The following SH2D3C variants were observed in gnomAD, a reference collection of about 807,000 sequenced individuals.
SH2D3C encodes the protein SH2 domain-containing protein 3C.
Under a neutral mutation model 75.2 loss-of-function variants are expected in SH2D3C, and 25 were observed. That is an observed-to-expected ratio of 0.33 (90% CI 0.24 to 0.46). SH2D3C has a LOEUF of 0.46. Among genes scored for constraint, SH2D3C ranks in the 20% least tolerant of loss-of-function variants. The probability of loss-of-function intolerance (pLI) is 1.00; values close to 1 mark genes in which losing one functional copy is unlikely to be tolerated. For missense variants in SH2D3C, 933 were observed against 1,165.3 expected, an observed-to-expected ratio of 0.80 and a Z score of 2.90; for synonymous variants, 450 against 473.7, an observed-to-expected ratio of 0.95 and a Z score of 0.65.
intron 2 of SH2D3C, chr9:127,771,444 C>T: frequency 8.5e-7 from 1 of 1,183,216 alleles, no homozygotes; most frequent in Non-Finnish European, 1.1e-6. Context: ...GCCTCGAACA[C>T]GGCCCTCCGC....
chr9:127,761,551 A>G, intron 3 of SH2D3C, 60 bp downstream of exon 3: 1 of 1,257,418 alleles, frequency 8.0e-7, no homozygotes, highest in Non-Finnish European at 1.2e-6. Flanking sequence ...CCCACCCGTA[A>G]TGGAGCAGGC....
chr9:127,755,841 T>C (rs1343623087), intron 3 of SH2D3C, among the ~76,000 whole-genome samples: 2 of 152,188 alleles, frequency 1.3e-5, no homozygotes, highest in South Asian at 4.1e-4. Flanking sequence ...TTCCCTGGGA[T>C]CTACGACTCA....
Position 127,738,736 on chromosome 9 carries a change from G to A in SH2D3C, c.*10C>T. 1 of 1,584,368 alleles carries A rather than the reference G, an allele frequency of 6.3e-7. No homozygotes were observed. Among genetic ancestry groups the A allele is most frequent in the South Asian group, 1.2e-5 (1 of 86,938 alleles). On this transcript the variant is annotated 3_prime_UTR_variant, in exon 12 of 12. Coordinates refer to ENST00000314830, the MANE Select transcript of SH2D3C (RefSeq NM_170600.3). The surrounding 1 kb of genome is among the most constrained non-coding windows in gnomAD (Gnocchi z 5.0). ...CTGTCCGCAGCTGCAGAGGGGAAAT[G>A]TCCCTGGGGTCACAGCTCGCTGGAG...
Position 127,761,608 on chromosome 9 carries a change from T to C in SH2D3C, c.555+3A>G. The C allele has an allele frequency of 6.2e-7, 1 of 1,610,120 alleles. No homozygotes were observed. Among genetic ancestry groups the C allele is most frequent in the Non-Finnish European group, 8.5e-7 (1 of 1,177,386 alleles). Reference sequence around the variant, plus strand: ...TGACCAACCCCTGGCCAGCCCCTCCTACCTTCACATAGTCGCTGCCAGCCT... The same window carrying C: ...TGACCAACCCCTGGCCAGCCCCTCCCACCTTCACATAGTCGCTGCCAGCCT... On this transcript the variant is annotated splice_donor_region_variant and intron_variant, in intron 3 of 11. Transcript: ENST00000314830.
chr9:127,778,027 G>A lies in SH2D3C; in HGVS notation c.37+564C>T, dbSNP rs548805399. 6.8e-4 allele frequency among the ~76,000 whole-genome samples: 103 copies of A among 151,790 alleles called. 1 individual carries two copies. In the East Asian group the frequency reaches 0.017, roughly 25 times the overall value. On this transcript the variant is annotated intron_variant, in intron 1 of 11. Transcript: ENST00000314830. ...TTTTGAGATGCAGTCTCGCTGTGTC[G>A]CCCAGACTGGAGTGCAGTGGTGCAA... is the stretch of plus-strand genomic sequence containing the variant.
At chr9:127,748,241 A>G (rs1845091698) in intron 5 of SH2D3C, among the ~76,000 whole-genome samples, 1 of 152,108 alleles carries the variant, frequency 6.6e-6, no homozygotes, top group African/African-American at 2.4e-5. Flanking sequence ...ACTGCTCCCA[A>G]CTATGCTCAG....
At chr9:127,771,077 G>T in intron 2 of SH2D3C, 1 of 838,100 alleles carries the variant, frequency 1.2e-6, no homozygotes, top group Non-Finnish European at 1.8e-6. Context: ...AAAAGTCCCT[G>T]ATGCTAACCC....
At chr9:127,755,139 C>A in intron 3 of SH2D3C, 1 of 1,219,730 alleles carries the variant, frequency 8.2e-7, no homozygotes. Context: ...GGGCACTCCA[C>A]AGGCTGCACC....
chr9:127,771,518 C>A (rs1845739467), intron 2 of SH2D3C: 2 of 500,802 alleles, frequency 4.0e-6, no homozygotes, highest in Non-Finnish European at 6.3e-6. Context: ...CCCTAGCACA[C>A]CCCTCCGCCT....
chr9:127,756,713 C>T (rs536027229), intron 3 of SH2D3C, among the ~76,000 whole-genome samples: 12 of 140,808 alleles, frequency 8.5e-5, no homozygotes, highest in Admixed American at 1.5e-4. Context: ...GGCAATATCT[C>T]GGCTCAATGT....
In SH2D3C at chr9:127,774,007, C is replaced by T. The variant is rs781220729; in HGVS notation, c.498G>A (p.Arg166=). 5 of 1,612,198 alleles carry T rather than the reference C, an allele frequency of 3.1e-6. No homozygotes were observed. The Admixed American group carries it at 8.3e-5, about 27-fold the overall frequency. ...GCACCTACCTTTCTGAGTGCACGTC[C>T]CTGGGAGGTCTCTCCTCTTCTACGT... ...TGDVEEERPP[R]DVHSERAAGE... Residue 166 remains arginine (R), a synonymous_variant, in exon 2 of 12, where the codon AGG becomes AGA. Coordinates refer to ENST00000314830, the MANE Select transcript of SH2D3C (RefSeq NM_170600.3). The surrounding 1 kb of genome is among the most constrained non-coding windows in gnomAD (Gnocchi z 4.3).
Position 127,744,894 on chromosome 9 carries a change from C to T in SH2D3C, c.1470G>A (p.Pro490=), listed in dbSNP as rs374666905. ...GGAGCTGGCAGTAGTGGCCAGAGTCCGGGTCACTGTAGCTGCTGAGTGATG... is the reference window on the plus strand; with the variant it reads ...GGAGCTGGCAGTAGTGGCCAGAGTCTGGGTCACTGTAGCTGCTGAGTGATG... ...PSPSLSSYSD[P]DSGHYCQLQP... Residue 490 remains proline, a synonymous_variant, in exon 7 of 12, where the codon CCG becomes CCA. Coordinates refer to ENST00000314830, the MANE Select transcript of SH2D3C (RefSeq NM_170600.3). The T allele has an allele frequency of 4.3e-6, 7 of 1,612,426 alleles. No individual in the cohort carries two copies. The highest frequency in any genetic ancestry group is 2.2e-5 in the East Asian group (1 of 44,854).
chr9:127,738,622 T>TG lies in SH2D3C; in HGVS notation c.*123dup. The TG allele has an allele frequency of 7.6e-6, 8 of 1,052,676 alleles. No individual in the cohort carries two copies. The highest frequency in any genetic ancestry group is 9.2e-6 in the Non-Finnish European group (7 of 757,330). The allele number at this position is 1,052,676 out of a possible 1,614,324, so 65.2% of individuals were successfully genotyped here. A position where few individuals can be genotyped will look rare whatever the true frequency, so the allele number is the denominator to read the frequency against. Reference sequence around the variant, plus strand: ...CAGGACCCTGGAGGTGCAAGGGAGATGCTTGAGTTGAACCCAGAACATTCT... The same window carrying TG: ...CAGGACCCTGGAGGTGCAAGGGAGATGGCTTGAGTTGAACCCAGAACATTCT... On this transcript the variant is annotated 3_prime_UTR_variant, in exon 12 of 12. Transcript: ENST00000314830. This position sits in a 1 kb window ranked among gnomAD's most constrained non-coding sequence, Gnocchi z 5.0.
At chr9:127,771,456 T>G in intron 2 of SH2D3C, 1 of 1,119,000 alleles carries the variant, frequency 8.9e-7, no homozygotes, top group Non-Finnish European at 1.2e-6. Flanking sequence ...GCCCTCCGCC[T>G]GCGGTCTCGC....
chr9:127,772,195 A>C (rs2131809543), intron 2 of SH2D3C, among the ~76,000 whole-genome samples: 1 of 151,520 alleles, frequency 6.6e-6, no homozygotes, highest in South Asian at 2.1e-4. Context: ...AAAAGAAAGA[A>C]AGGTCCCAGA....
chr9:127,744,325 C>T (rs917606173), intron 7 of SH2D3C, among the ~76,000 whole-genome samples: 3 of 152,106 alleles, frequency 2.0e-5, no homozygotes, highest in Non-Finnish European at 4.4e-5. Context: ...CCCGCCTCGG[C>T]CTCCCAAAGT....
Position 127,741,876 on chromosome 9 carries a change from T to C in SH2D3C, c.2000A>G (p.Lys667Arg), listed in dbSNP as rs140177554. Reference protein sequence around the residue: ...SAEERAALLHKTIQLAAELRG... With the variant: ...SAEERAALLHRTIQLAAELRG... ...CAGCTCGGCCGCCAGCTGAATGGTCTTGTGCAGCAGCGCTGCCCGCTCCTC... is the reference window on the plus strand; with the variant it reads ...CAGCTCGGCCGCCAGCTGAATGGTCCTGTGCAGCAGCGCTGCCCGCTCCTC... Residue 667 changes from lysine to arginine, a missense_variant, in exon 9 of 12, where the codon AAG (lysine) becomes AGG (arginine). Physicochemically the swap from Lys to Arg is conservative, Grantham distance 26 (BLOSUM62 2). Coordinates refer to ENST00000314830, the MANE Select transcript of SH2D3C (RefSeq NM_170600.3). 1.0e-4 allele frequency: 163 copies of C among 1,613,268 alleles called. No homozygotes were observed. In the African/African-American group the frequency reaches 1.7e-3, roughly 17 times the overall value.
chr9:127,739,958 C>A lies in SH2D3C; in HGVS notation c.2201-70G>T. ...CCACCATCCACTGCAGTCCTGGAAG[C>A]TGAGGTGCAGGAGGGAACGGGCCTG... is the stretch of plus-strand genomic sequence containing the variant. On this transcript the variant is annotated intron_variant, in intron 10 of 11. Coordinates refer to ENST00000314830, the MANE Select transcript of SH2D3C (RefSeq NM_170600.3). This position sits in a 1 kb window ranked among gnomAD's most constrained non-coding sequence, Gnocchi z 4.3. 7.2e-7 allele frequency: 1 copy of A among 1,396,976 alleles called. No individual in the cohort carries two copies. Among genetic ancestry groups the A allele is most frequent in the Non-Finnish European group, 9.6e-7 (1 of 1,040,770 alleles). 86.5% of individuals were successfully genotyped at this position (1,396,976 alleles called of 1,614,324 possible). A position where few individuals can be genotyped will look rare whatever the true frequency, so the allele number is the denominator to read the frequency against.
rs755369963 is a variant in SH2D3C, at chr9:127,747,131, C to A, written c.1264+16G>T. 2 of 1,610,898 alleles carry A rather than the reference C, an allele frequency of 1.2e-6. No individual in the cohort carries two copies. Among genetic ancestry groups the A allele is most frequent in the East Asian group, 2.2e-5 (1 of 44,852 alleles). On this transcript the variant is annotated intron_variant, in intron 6 of 11. Coordinates refer to ENST00000314830, the MANE Select transcript of SH2D3C (RefSeq NM_170600.3). ...CAGATTCCCTCCACCTGCTCCACCC[C>A]CTCTGCTGGCCATACCAGTGCTGTA...
Sources: gnomAD v4.1 joint callset for allele counts (sites outside exome capture counted in the v4.1 genomes callset) on GRCh38, gnomAD v4.1.1 for gene constraint, Gnocchi (gnomAD v3.1) non-coding constraint, MANE v1.5 for transcripts, NCBI Gene and HGNC (gene_info 2026-07-23, HGNC 2026-07-21) for gene names.